The following NEAT1 variants were observed in gnomAD, a reference collection of about 807,000 sequenced individuals.
NEAT1 encodes the protein nuclear paraspeckle assembly transcript 1.
exon 1 of NEAT1, chr11:65,441,564 T>C (rs1400844395): frequency 6.6e-6 from 1 of 152,188 alleles, no homozygotes; most frequent in African/African-American, 2.4e-5. Flanking sequence ...TAATTACCTT[T>C]TTTATATGTA....
At chr11:65,439,850 T>G (rs897050995) in exon 1 of NEAT1, 1 of 152,132 alleles carries the variant, frequency 6.6e-6, no homozygotes, top group African/African-American at 2.4e-5. Context: ...TAATGTGAAA[T>G]GATGAGAAGC....
chr11:65,444,239 G>A (rs879117871), exon 1 of NEAT1: 18 of 329,224 alleles, frequency 5.5e-5, no homozygotes, highest in East Asian at 1.0e-4. Flanking sequence ...GACCTGGCTC[G>A]GAGCCCACCT....
exon 1 of NEAT1, chr11:65,433,550 A>G (rs1036477594): frequency 2.6e-5 from 4 of 152,152 alleles, no homozygotes; most frequent in African/African-American, 9.7e-5. Flanking sequence ...CTAGGACAAT[A>G]CAGACAGTAA....
At chr11:65,440,647 A>G (rs508286) in exon 1 of NEAT1, 22,691 of 151,586 alleles carry the variant, frequency 0.15, 2,002 homozygotes, top group South Asian at 0.29. Context: ...GTTCGAGACC[A>G]GCCTGGCCAA....
At chr11:65,427,528 A>G (rs1856573598) in exon 1 of NEAT1, 1 of 152,094 alleles carries the variant, frequency 6.6e-6, no homozygotes, top group Admixed American at 6.5e-5. Context: ...CGTGTACACT[A>G]CTGACAAACG....
exon 1 of NEAT1, chr11:65,443,568 C>T (rs760455095): frequency 2.6e-5 from 4 of 152,242 alleles, no homozygotes; most frequent in Non-Finnish European, 5.9e-5. Flanking sequence ...TCCTCTGGGG[C>T]ATTCCAGGGT....
At chr11:65,442,752 C>T (rs534975023) in exon 1 of NEAT1, 115 of 152,294 alleles carry the variant, frequency 7.6e-4, no homozygotes, top group Non-Finnish European at 1.4e-3. Flanking sequence ...TGGTGGCGCA[C>T]GCCTGTAGTC....
chr11:65,428,179 TATA>T (rs757222304), exon 1 of NEAT1: 6 of 152,196 alleles, frequency 3.9e-5, no homozygotes, highest in Non-Finnish European at 8.8e-5. Flanking sequence ...GTGTGGGTAA[TATA>T]ATAGAATTCA....
At chr11:65,443,739 C>T (rs1190812995) in exon 1 of NEAT1, 1 of 152,254 alleles carries the variant, frequency 6.6e-6, no homozygotes, top group Non-Finnish European at 1.5e-5. Context: ...AGTCACTTGG[C>T]TCTCTCACTG....
chr11:65,422,821 C>A (rs1050262745), exon 1 of NEAT1: 1 of 152,818 alleles, frequency 6.5e-6, no homozygotes, highest in Non-Finnish European at 1.5e-5. Context: ...GGGAGGGATG[C>A]GCGCCTGGGT....
chr11:65,424,745 G>GA (rs1285900592), exon 1 of NEAT1: 2 of 152,258 alleles, frequency 1.3e-5, no homozygotes, highest in African/African-American at 4.8e-5. Context: ...ATTACTAGGA[G>GA]AAGGGAATGG....
exon 1 of NEAT1, chr11:65,438,741 C>T (rs1021562866): frequency 2.0e-5 from 3 of 152,186 alleles, no homozygotes; most frequent in African/African-American, 7.2e-5. Context: ...CTTTTTCTGG[C>T]TGAATAATAT....
At chr11:65,432,812 A>C (rs1327683526) in exon 1 of NEAT1, 15 of 151,370 alleles carry the variant, frequency 9.9e-5, no homozygotes, top group African/African-American at 3.4e-4. Flanking sequence ...CATTGTACCC[A>C]ATATGTGGTT....
At chr11:65,426,523 C>G (rs1312626913) in exon 1 of NEAT1, 1 of 152,204 alleles carries the variant, frequency 6.6e-6, no homozygotes, top group Non-Finnish European at 1.5e-5. Context: ...GAGTTCTAAA[C>G]TCATTAGAAT....
At chr11:65,433,804 C>G (rs933485342) in exon 1 of NEAT1, 2 of 151,154 alleles carry the variant, frequency 1.3e-5, no homozygotes, top group African/African-American at 4.9e-5. Context: ...ATGAGTTCTA[C>G]AGTAGTGAAG....
At chr11:65,443,320 T>C (rs1856731485) in exon 1 of NEAT1, 1 of 152,270 alleles carries the variant, frequency 6.6e-6, no homozygotes, top group Non-Finnish European at 1.5e-5. Context: ...GTGTCTGGTG[T>C]TGACAGTGCA....
exon 1 of NEAT1, chr11:65,423,929 A>G (rs898257546): frequency 1.3e-5 from 2 of 152,282 alleles, no homozygotes; most frequent in Non-Finnish European, 2.9e-5. Flanking sequence ...GAAAGTTACA[A>G]AAATGCTTCA....
exon 1 of NEAT1, chr11:65,427,128 G>A (rs1218814146): frequency 8.5e-5 from 13 of 152,282 alleles, no homozygotes; most frequent in Admixed American, 8.5e-4. Context: ...GAATCTGGAG[G>A]ATACATCTTG....
At chr11:65,434,110 A>C (rs929501637) in exon 1 of NEAT1, 1 of 152,106 alleles carries the variant, frequency 6.6e-6, no homozygotes, top group Non-Finnish European at 1.5e-5. Context: ...TAGTTCATTT[A>C]GTTTGTTTAC....
Sources: allele counts gnomAD v4.1 joint callset, GRCh38; gene constraint gnomAD v4.1.1; transcripts MANE v1.5; gene names NCBI Gene and HGNC (gene_info 2026-07-23, HGNC 2026-07-21).